The following EXT2 variants were observed in gnomAD, a reference collection of about 807,000 sequenced individuals.
EXT2 encodes exostosin glycosyltransferase 2, also known as exostosin-2.
EXT2 carries 53 observed loss-of-function variants against 81.6 expected under a neutral mutation model. The ratio of observed to expected loss-of-function variants is 0.65; its 90% CI spans 0.52 to 0.82. EXT2 has a LOEUF of 0.82. EXT2 is among the 40% of genes least tolerant of loss of function. The pLI is 0.00. For missense variants in EXT2, 774 were observed against 910.2 expected (o/e 0.85, Z 1.93); for synonymous variants, 320 against 340.0 (o/e 0.94, Z 0.65).
At chr11:44,107,653 GT>G in intron 1 of EXT2, 29 bp from the exon 2 acceptor site, 1 of 1,587,316 alleles carries the variant, frequency 6.3e-7, no homozygotes, top group Non-Finnish European at 8.6e-7. Flanking sequence ...TAAATACTTG[GT>G]TTTTCTTATT....
chr11:44,173,071 G>A (rs367978738), intron 8 of EXT2, among the ~76,000 whole-genome samples: 1 of 152,154 alleles, frequency 6.6e-6, no homozygotes, highest in East Asian at 1.9e-4. Context: ...CTTCAAAGAA[G>A]CTCTCCGCTG....
intron 6 of EXT2, among the ~76,000 whole-genome samples, chr11:44,127,610 AGGTTG>A (rs1242281444): frequency 1.3e-5 from 2 of 152,228 alleles, no homozygotes. Flanking sequence ...GGTGCTGAAA[AGGTTG>A]GGGACTGTTG....
In EXT2 at chr11:44,115,586, A is replaced by G. The variant is rs530295244; in HGVS notation, c.743+1285A>G. 1.4e-4 allele frequency among the ~76,000 whole-genome samples: 21 copies of G among 152,352 alleles called. 1 individual carries two copies. Among genetic ancestry groups the G allele is most frequent in the African/African-American group, 4.3e-4 (18 of 41,590 alleles). Reference sequence around the variant, plus strand: ...CTTGTGTGGAAGTGCTCAGAAGCAGAGGTGACCAATAGATAAATTTTGACA... The same window carrying G: ...CTTGTGTGGAAGTGCTCAGAAGCAGGGGTGACCAATAGATAAATTTTGACA... On this transcript the variant is annotated intron_variant, in intron 4 of 13. Transcript: ENST00000533608.
At chr11:44,186,231 A>G (rs1193850637) in intron 8 of EXT2, among the ~76,000 whole-genome samples, 2 of 152,248 alleles carry the variant, frequency 1.3e-5, no homozygotes, top group African/African-American at 2.4e-5. Context: ...CTTTGCCAGT[A>G]TCTTAAGCAA....
intron 7 of EXT2, among the ~76,000 whole-genome samples, chr11:44,140,936 TTATAGTAAGTTAGTCAAACATA>T (rs1954636986): frequency 1.3e-5 from 2 of 152,340 alleles, no homozygotes; most frequent in East Asian, 3.9e-4. Flanking sequence ...GCAAGAATTT[TTATAGTAAGTTAGTCAAACATA>T]TATAGCTGTT....
In EXT2 at chr11:44,245,949, T is replaced by C. The variant is rs1956089998; in HGVS notation, c.*1662T>C. ...ATGTTCATTTTGCAAATGCAGAAACTGAAGTGATTTTTTTCAGTTTCTGAC... is the reference window on the plus strand; with the variant it reads ...ATGTTCATTTTGCAAATGCAGAAACCGAAGTGATTTTTTTCAGTTTCTGAC... On this transcript the variant is annotated 3_prime_UTR_variant, in exon 14 of 14. Transcript: ENST00000533608. Among the ~76,000 whole-genome samples the C allele has an allele frequency of 6.6e-6, 1 of 152,224 alleles. No homozygotes were observed. The highest frequency in any genetic ancestry group is 2.4e-5 in the African/African-American group (1 of 41,450).
rs1956137268 is a variant in EXT2 at position 44,251,459 on chromosome 11, T to A, written c.*7172T>A. Among the ~76,000 whole-genome samples, 1 of 152,208 alleles carries A rather than the reference T, an allele frequency of 6.6e-6. No homozygotes were observed. The highest frequency in any genetic ancestry group is 1.5e-5 in the Non-Finnish European group (1 of 68,038). On this transcript the variant is annotated 3_prime_UTR_variant, in exon 14 of 14. Transcript: ENST00000533608. ...CTTCCTAAGAAATGATTTTTGGTTC[T>A]TTTAGGCCTTAACAGCACAATAAAA...
chr11:44,104,101 G>A (rs1169347700), intron 1 of EXT2, among the ~76,000 whole-genome samples: 3 of 152,006 alleles, frequency 2.0e-5, no homozygotes, highest in Non-Finnish European at 2.9e-5. Context: ...GCTCATGTGT[G>A]AATACAGTTT....
chr11:44,237,439 T>G lies in EXT2; in HGVS notation c.2018+1064T>G, dbSNP rs75556641. Among the ~76,000 whole-genome samples the G allele has an allele frequency of 4.2e-3, 636 of 152,282 alleles. 5 individuals carry two copies. The highest frequency in any genetic ancestry group is 8.7e-3 in the Admixed American group (133 of 15,288). ...TATATTATCACTGGTTGATGTGAAA[T>G]AATATATTATCACTGGTATCATAAG... On this transcript the variant is annotated intron_variant, in intron 13 of 13. Coordinates refer to ENST00000533608, the MANE Select transcript of EXT2 (RefSeq NM_207122.2).
chr11:44,180,327 G>T lies in EXT2; in HGVS notation c.1305+8585G>T, dbSNP rs142868884. 5.1e-3 allele frequency among the ~76,000 whole-genome samples: 777 copies of T among 152,150 alleles called. 4 individuals carry two copies. Among genetic ancestry groups the T allele is most frequent in the Non-Finnish European group, 8.5e-3 (576 of 67,990 alleles). On this transcript the variant is annotated intron_variant, in intron 8 of 13. Transcript: ENST00000533608. ...TGTGTCATCATTTTTCATTAAAGTG[G>T]TATTTATTATATGCATTATTAGAGC...
chr11:44,100,448 A>G (rs1310989525), intron 1 of EXT2, among the ~76,000 whole-genome samples: 1 of 152,222 alleles, frequency 6.6e-6, no homozygotes, highest in Non-Finnish European at 1.5e-5. Flanking sequence ...GTGGTTTAGG[A>G]TGAGACTCAG....
intron 7 of EXT2, among the ~76,000 whole-genome samples, 155 bp from the exon 8 acceptor site, chr11:44,171,456 G>C (rs758991777): frequency 6.6e-6 from 1 of 152,174 alleles, no homozygotes; most frequent in African/African-American, 2.4e-5. Flanking sequence ...ATGGCAGCTG[G>C]CTTGAACAGC....
intron 8 of EXT2, among the ~76,000 whole-genome samples, chr11:44,184,410 T>A (rs893805445): frequency 1.3e-5 from 2 of 152,222 alleles, no homozygotes; most frequent in Admixed American, 6.5e-5. Flanking sequence ...TACTTTTTTT[T>A]GTTTGGTTTG....
At chr11:44,152,548 A>G (rs1019127349) in intron 7 of EXT2, among the ~76,000 whole-genome samples, 5 of 152,100 alleles carry the variant, frequency 3.3e-5, no homozygotes, top group Admixed American at 3.3e-4. Flanking sequence ...ACGGGTTTTC[A>G]TCATGTTGGC....
Position 44,197,979 on chromosome 11 carries a change from C to T in EXT2, c.1456C>T (p.Leu486Phe), listed in dbSNP as rs1278155895. 2 of 1,613,974 alleles carry T rather than the reference C, an allele frequency of 1.2e-6. No homozygotes were observed. Among genetic ancestry groups the T allele is most frequent in the Non-Finnish European group, 1.7e-6 (2 of 1,179,994 alleles). The change falls in exon 9 of 14, where the codon CTT (leucine) becomes TTT (phenylalanine). Residue 486 changes from leucine to phenylalanine, a missense_variant. Leu to Phe is a conservative substitution (Grantham distance 22). This residue lies in a region of EXT2 where 626 missense variants were observed against 670.5 expected (regional missense o/e 0.93). Coordinates refer to ENST00000533608, the MANE Select transcript of EXT2 (RefSeq NM_207122.2). ...CAAGGTGCCCAGTCTATCCAAACTA[C>T]TTGTCGTCTGGAATAATCAGAATAA... is the stretch of plus-strand genomic sequence containing the variant. Reference protein sequence around the residue: ...VSKVPSLSKLLVVWNNQNKNP... With the variant: ...VSKVPSLSKLFVVWNNQNKNP...
At chr11:44,188,781 G>A (rs1029433894) in intron 8 of EXT2, among the ~76,000 whole-genome samples, 1 of 152,136 alleles carries the variant, frequency 6.6e-6, no homozygotes, top group African/African-American at 2.4e-5. Context: ...AAAATATGAA[G>A]AAGTGAAGTA....
At chr11:44,138,057 A>T (rs1260028414) in intron 7 of EXT2, among the ~76,000 whole-genome samples, 1 of 152,192 alleles carries the variant, frequency 6.6e-6, no homozygotes, top group Non-Finnish European at 1.5e-5. Context: ...GTAGCCTCAG[A>T]TAGAGAGGGT....
chr11:44,188,824 C>T (rs367750562), intron 8 of EXT2, among the ~76,000 whole-genome samples: 1 of 152,100 alleles, frequency 6.6e-6, no homozygotes, highest in Non-Finnish European at 1.5e-5. Context: ...GTCCAACATA[C>T]GTCTAAGCTG....
rs1024633824 is a variant in EXT2, at chr11:44,245,706, T to C, written c.*1419T>C. Among the ~76,000 whole-genome samples, 1 of 152,248 alleles carries C rather than the reference T, an allele frequency of 6.6e-6. No homozygotes were observed. The highest frequency in any genetic ancestry group is 2.1e-4 in the South Asian group (1 of 4,836). On this transcript the variant is annotated 3_prime_UTR_variant, in exon 14 of 14. Coordinates refer to ENST00000533608, the MANE Select transcript of EXT2 (RefSeq NM_207122.2). Reference sequence around the variant, plus strand: ...GTGACATGAAGGTGGGCAGTTATTATGCTGTAGTTTCATCAAGAGTCACTT... The same window carrying C: ...GTGACATGAAGGTGGGCAGTTATTACGCTGTAGTTTCATCAAGAGTCACTT...
Sources: allele counts gnomAD v4.1 joint callset (sites outside exome capture counted in the v4.1 genomes callset), GRCh38; gene constraint gnomAD v4.1.1; regional missense constraint gnomAD v4.1.1; transcripts MANE v1.5; gene names NCBI Gene and HGNC (gene_info 2026-07-23, HGNC 2026-07-21).